VPS11: variants seen among roughly 807,000 people sequenced by gnomAD.
The protein encoded by VPS11 is vacuolar protein sorting-associated protein 11 homolog.
VPS11 carries 51 observed loss-of-function variants against 106.8 expected under a neutral mutation model. The ratio of observed to expected loss-of-function variants is 0.48; its 90% CI spans 0.38 to 0.60. The LOEUF (loss-of-function observed/expected upper bound fraction) is 0.60, where lower values mean the gene tolerates loss of function less well. VPS11 is among the 20% of genes least tolerant of loss of function. The pLI is 0.00. For synonymous variants in VPS11, 453 were observed against 458.7 expected, an observed-to-expected ratio of 0.99 and a Z score of 0.16; for missense variants, 950 against 1,190.0, an observed-to-expected ratio of 0.80 and a Z score of 2.97.
chr11:119,081,703 A>G lies in VPS11; in HGVS notation c.*80A>G. 6.5e-7 allele frequency: 1 copy of G among 1,531,816 alleles called. No individual in the cohort carries two copies. The highest frequency in any genetic ancestry group is 2.4e-5 in the East Asian group (1 of 42,158). 94.9% of individuals were successfully genotyped at this position (1,531,816 alleles called of 1,614,324 possible). On this transcript the variant is annotated 3_prime_UTR_variant, in exon 16 of 16. Coordinates refer to ENST00000621676, the MANE Select transcript of VPS11 (RefSeq NM_021729.6). ...GGGACCTGGGCGGGCGTTACACAGA[A>G]GGCTGGCTGACATGCCCAGGGCTCC...
chr11:119,073,162 T>C, intron 5 of VPS11, 36 bp from the exon 6 acceptor site: 1 of 1,584,570 alleles, frequency 6.3e-7, no homozygotes, highest in Non-Finnish European at 8.6e-7. Context: ...AAGACAGAGA[T>C]GTCCAAACAT....
At position 119,076,878 on chromosome 11, in the gene VPS11, G is replaced by C. The variant is rs781941159; in HGVS notation, c.1239-19G>C. 8 of 1,613,272 alleles carry C rather than the reference G, an allele frequency of 5.0e-6. No homozygotes were observed. The highest frequency in any genetic ancestry group is 6.8e-6 in the Non-Finnish European group (8 of 1,179,480). ...AAGTACACTGATTCAGATGCTATCGGGTGCACATGTCTCCCTAGAACCATT... is the reference window on the plus strand; with the variant it reads ...AAGTACACTGATTCAGATGCTATCGCGTGCACATGTCTCCCTAGAACCATT... On this transcript the variant is annotated intron_variant, in intron 7 of 15. Coordinates refer to ENST00000621676, the MANE Select transcript of VPS11 (RefSeq NM_021729.6).
intron 4 of VPS11, among the ~76,000 whole-genome samples, chr11:119,070,942 T>TTTTC (rs35007847): frequency 0.35 from 49,702 of 140,482 alleles, 8,777 homozygotes; most frequent in African/African-American, 0.4. Context: ...TTTTTTTTTT[T>TTTTC]CTTTGAGACA....
chr11:119,068,671 C>T (rs1253114184), intron 1 of VPS11, among the ~76,000 whole-genome samples: 1 of 151,934 alleles, frequency 6.6e-6, no homozygotes, highest in African/African-American at 2.4e-5. Context: ...TGGTCTCGAA[C>T]TCCTGACCTC....
chr11:119,069,566 T>C lies in VPS11; in HGVS notation c.461T>C (p.Phe154Ser), dbSNP rs782350960. 6.2e-7 allele frequency: 1 copy of C among 1,613,984 alleles called. No individual in the cohort carries two copies. The highest frequency in any genetic ancestry group is 8.5e-7 in the Non-Finnish European group (1 of 1,179,874). The stretch of plus-strand genomic sequence containing the variant: ...TTGACTGTCCATGAAAATCTCAACT[T>C]TATGGCCATTGGTAAACAGAAGGCA... The part of the protein sequence containing the change: ...SCLTVHENLN[F>S]MAIGFTDGSV... Residue 154 changes from phenylalanine to serine, a missense_variant, in exon 3 of 16, where the codon TTT becomes TCT. Phe to Ser is a radical substitution (Grantham distance 155, BLOSUM62 -2). Coordinates refer to ENST00000621676, the MANE Select transcript of VPS11 (RefSeq NM_021729.6).
At chr11:119,068,845 G>A (rs906355937) in intron 1 of VPS11, among the ~76,000 whole-genome samples, 7 of 151,838 alleles carry the variant, frequency 4.6e-5, no homozygotes, top group Admixed American at 2.0e-4. Context: ...TCCGCCTCCC[G>A]GGTTCAAGCA....
chr11:119,077,610 A>G lies in VPS11; in HGVS notation c.1535A>G (p.His512Arg). The part of the protein sequence containing the change: ...ALYLAENHAH[H>R]EWYLKIQLED... The stretch of plus-strand genomic sequence containing the variant: ...TATCTGGCGGAGAACCATGCACATC[A>G]TGAGTGGTACCTGAAGATCCAGCTA... The change falls in exon 9 of 16, where the codon CAT becomes CGT. Residue 512 changes from histidine to arginine, a missense_variant. Around this residue, in one of 3 missense-constraint regions of VPS11, gnomAD observed 435 missense variants for 630.2 expected, o/e 0.69. Coordinates refer to ENST00000621676, the MANE Select transcript of VPS11 (RefSeq NM_021729.6). 6.2e-7 allele frequency: 1 copy of G among 1,611,886 alleles called. No homozygotes were observed. Among genetic ancestry groups the G allele is most frequent in the South Asian group, 1.1e-5 (1 of 90,780 alleles).
At chr11:119,080,321 G>A (rs1280603049) in intron 14 of VPS11, among the ~76,000 whole-genome samples, 1 of 152,058 alleles carries the variant, frequency 6.6e-6, no homozygotes, top group Non-Finnish European at 1.5e-5. Context: ...GCCTCCCAAA[G>A]TGCTGGGATT....
intron 14 of VPS11, among the ~76,000 whole-genome samples, chr11:119,080,395 T>C (rs11217144): frequency 6.8e-6 from 1 of 146,744 alleles, no homozygotes; most frequent in Non-Finnish European, 1.5e-5. Flanking sequence ...TGAGACGAAG[T>C]CTCGCTCTTG....
At chr11:119,075,300 G>A (rs1016373041) in intron 7 of VPS11, among the ~76,000 whole-genome samples, 7 of 151,998 alleles carry the variant, frequency 4.6e-5, no homozygotes, top group Admixed American at 4.6e-4. Context: ...GGGGTGCAGT[G>A]GCATGTGCCT....
Position 119,081,295 on chromosome 11 carries a change from A to G in VPS11, c.2642A>G (p.His881Arg), listed in dbSNP as rs570750290. Residue 881 changes from histidine to arginine, a missense_variant, in exon 15 of 16, where the codon CAT becomes CGT. Physicochemically the swap from His to Arg is conservative, Grantham distance 29. Coordinates refer to ENST00000621676, the MANE Select transcript of VPS11 (RefSeq NM_021729.6). ...IRAQEQKRDL[H>R]DQFQHQLKCS... ...GCCCAGGAACAGAAACGAGATCTCC[A>G]TGATCAATTCCAGCATCAGGTGGGG... is the stretch of plus-strand genomic sequence containing the variant. 4.3e-6 allele frequency: 7 copies of G among 1,613,982 alleles called. No homozygotes were observed. The highest frequency in any genetic ancestry group is 1.7e-5 in the Admixed American group (1 of 60,022).
chr11:119,070,113 T>TCAGGTTACCCAACC, intron 3 of VPS11, 121 bp from the exon 4 acceptor site: 2 of 893,074 alleles, frequency 2.2e-6, no homozygotes, highest in Non-Finnish European at 3.3e-6. Context: ...GGTTAACCAT[T>TCAGGTTACCCAACC]AGAGAGGTTG....
intron 3 of VPS11, 50 bp from the exon 4 acceptor site, chr11:119,070,184 C>A: frequency 6.4e-7 from 1 of 1,555,138 alleles, no homozygotes; most frequent in Non-Finnish European, 8.7e-7. Flanking sequence ...CCCCTCTCCA[C>A]TTCCTGATCT....
chr11:119,073,254 A>G lies in VPS11; in HGVS notation c.941A>G (p.Tyr314Cys), dbSNP rs1309924029. The change falls in exon 6 of 16, where the codon TAT becomes TGT. Residue 314 changes from tyrosine to cysteine, a missense_variant. This residue lies in a region of VPS11 where 435 missense variants were observed against 630.2 expected (regional missense o/e 0.69). Coordinates refer to ENST00000621676, the MANE Select transcript of VPS11 (RefSeq NM_021729.6). ...TCCGACAAGCAGATTCTAAACATCTATGACCTGTGCAACAAGTTCATAGCC... is the reference window on the plus strand; with the variant it reads ...TCCGACAAGCAGATTCTAAACATCTGTGACCTGTGCAACAAGTTCATAGCC... Reference protein sequence around the residue: ...QSSDKQILNIYDLCNKFIAYS... With the variant: ...QSSDKQILNICDLCNKFIAYS... 4 of 1,613,846 alleles carry G rather than the reference A, an allele frequency of 2.5e-6. No individual in the cohort carries two copies. The highest frequency in any genetic ancestry group is 2.2e-5 in the South Asian group (2 of 91,056).
intron 6 of VPS11, 82 bp from the exon 7 acceptor site, chr11:119,073,718 T>G: frequency 6.9e-7 from 1 of 1,457,664 alleles, no homozygotes; most frequent in Non-Finnish European, 9.4e-7. Flanking sequence ...GGACTTTCTG[T>G]TTTGTGTGTT....
chr11:119,079,336 G>T (rs1346790804), intron 14 of VPS11, 36 bp downstream of exon 14: 9 of 1,544,940 alleles, frequency 5.8e-6, no homozygotes, highest in Non-Finnish European at 7.9e-6. Context: ...GAGTCCAGGG[G>T]ATAACTTGCC....
At chr11:119,068,041 C>G (rs2133640526) in intron 1 of VPS11, 31 bp downstream of exon 1, 4 of 1,567,276 alleles carry the variant, frequency 2.6e-6, no homozygotes, top group Admixed American at 1.8e-5. Context: ...TCTTTTCCCT[C>G]CCGGGATCCC....
chr11:119,069,695 C>T (rs117972538), intron 3 of VPS11, 118 bp downstream of exon 3: 29 of 1,432,834 alleles, frequency 2.0e-5, no homozygotes, highest in South Asian at 2.6e-5. Context: ...GAGGCCTTTG[C>T]GATATTAAAT....
intron 6 of VPS11, 125 bp downstream of exon 6, chr11:119,073,524 TAGGGTAGGATTATA>T: frequency 8.1e-7 from 1 of 1,230,168 alleles, no homozygotes; most frequent in Non-Finnish European, 1.1e-6. Context: ...TCAGCTTCCT[TAGGGTAGGATTATA>T]AGGTAAATGG....
Sources: gnomAD v4.1 joint callset for allele counts (sites outside exome capture counted in the v4.1 genomes callset) on GRCh38, gnomAD v4.1.1 for gene constraint, gnomAD v4.1.1 regional missense constraint, MANE v1.5 for transcripts, NCBI Gene and HGNC (gene_info 2026-07-23, HGNC 2026-07-21) for gene names.